The following SCLY variants were observed in gnomAD, a reference collection of about 807,000 sequenced individuals.
SCLY encodes putative selenocysteine lyase.
Under a neutral mutation model 50.1 loss-of-function variants are expected in SCLY, and 38 were observed. That is an observed-to-expected ratio of 0.76 (90% confidence interval 0.59 to 0.99). The LOEUF is 0.99. Among genes scored for constraint, SCLY ranks in the 50% least tolerant of loss-of-function variants. SCLY has a pLI of 0.00. For missense variants in SCLY, 600 were observed against 620.0 expected (o/e 0.97, Z 0.34); for synonymous variants, 243 against 249.4 (o/e 0.97, Z 0.24).
At chr2:238,062,692 G>A (rs773710339) in intron 1 of SCLY, among the ~76,000 whole-genome samples, 3 of 152,264 alleles carry the variant, frequency 2.0e-5, no homozygotes, top group Non-Finnish European at 2.9e-5. Context: ...GATTACAGGC[G>A]TGAGCCACAG....
At chr2:238,090,194 GA>G (rs1395498548) in intron 7 of SCLY, among the ~76,000 whole-genome samples, 1 of 152,156 alleles carries the variant, frequency 6.6e-6, no homozygotes, top group Non-Finnish European at 1.5e-5. Context: ...GTTATTGGGG[GA>G]ATGCAAATTA....
At chr2:238,077,848 T>C (rs1559245496) in intron 4 of SCLY, among the ~76,000 whole-genome samples, 3 of 152,084 alleles carry the variant, frequency 2.0e-5, no homozygotes, top group African/African-American at 2.4e-5. Flanking sequence ...CTAAGACTTA[T>C]CTTTGATGTG....
chr2:238,079,150 C>G (rs572961927), intron 4 of SCLY: 3 of 143,664 alleles, frequency 2.1e-5, no homozygotes, highest in African/African-American at 5.1e-5. Flanking sequence ...TCACAACTCA[C>G]TACAGCCTCA....
At chr2:238,076,958 G>GTAGA (rs2065181079) in intron 4 of SCLY, among the ~76,000 whole-genome samples, 1 of 152,118 alleles carries the variant, frequency 6.6e-6, no homozygotes, top group African/African-American at 2.4e-5. Context: ...GGAGTGTCTT[G>GTAGA]TAGATGTCTG....
At chr2:238,091,535 A>AC in intron 8 of SCLY, 1 of 395,026 alleles carries the variant, frequency 2.5e-6, no homozygotes. Flanking sequence ...GTGAAGTGTC[A>AC]AGCTGCAGGT....
At chr2:238,089,138 AG>A (rs2065334033) in intron 7 of SCLY, among the ~76,000 whole-genome samples, 1 of 152,218 alleles carries the variant, frequency 6.6e-6, no homozygotes, top group Admixed American at 6.5e-5. Context: ...ACAGGTGGAC[AG>A]TAACATTAAA....
At chr2:238,089,673 A>C (rs2065342409) in intron 7 of SCLY, among the ~76,000 whole-genome samples, 1 of 146,884 alleles carries the variant, frequency 6.8e-6, no homozygotes, top group Non-Finnish European at 1.5e-5. Flanking sequence ...AAAGCTCATC[A>C]GCTATCATTA....
chr2:238,082,006 A>G (rs778799190), intron 5 of SCLY, 39 bp from the exon 6 acceptor site: 1 of 1,598,110 alleles, frequency 6.3e-7, no homozygotes, highest in Non-Finnish European at 8.6e-7. Flanking sequence ...TTTTCATCAG[A>G]TCGGAGCAAC....
chr2:238,091,063 T>C (rs966486514), intron 7 of SCLY, among the ~76,000 whole-genome samples, 155 bp from the exon 8 acceptor site: 4 of 152,214 alleles, frequency 2.6e-5, no homozygotes, highest in African/African-American at 9.7e-5. Context: ...GGGAGGTTTC[T>C]GGGGCCTGCA....
At position 238,068,152 on chromosome 2, in the gene SCLY, C is replaced by A. The variant is rs750391592; in HGVS notation, c.290C>A (p.Ser97Tyr). 4.4e-6 allele frequency: 7 copies of A among 1,607,884 alleles called. No individual in the cohort carries two copies. Among genetic ancestry groups the A allele is most frequent in the Non-Finnish European group, 5.9e-6 (7 of 1,176,528 alleles). The change falls in exon 3 of 12, where the codon TCC becomes TAC. Residue 97 changes from serine to tyrosine, a missense_variant. Ser to Tyr is a moderately radical substitution (Grantham distance 144). Coordinates refer to ENST00000254663, the MANE Select transcript of SCLY (RefSeq NM_016510.7). ...GGKPQDIIFT[S>Y]GGTESNNLVI... ...AAACCTCAAGATATAATCTTCACTT[C>A]CGGGGGCACTGAGGTAAAGCTTCTG...
intron 9 of SCLY, 117 bp downstream of exon 9, chr2:238,094,061 G>A: frequency 1.1e-6 from 1 of 895,152 alleles, no homozygotes; most frequent in African/African-American, 1.7e-5. Flanking sequence ...GCGTAGCCTG[G>A]AACTCAGCAG....
rs1481602207 is a variant in SCLY at position 238,072,015 on chromosome 2, G to A, written c.484+2538G>A. On this transcript the variant is annotated intron_variant, in intron 4 of 11. Coordinates refer to ENST00000254663, the MANE Select transcript of SCLY (RefSeq NM_016510.7). ...TAATTTTCAGTTATAGAAAATTCTC[G>A]CCAGCCCCAAAAGAAACCTTGTACC... Among the ~76,000 whole-genome samples the A allele has an allele frequency of 3.3e-5, 5 of 151,626 alleles. 1 individual carries two copies. The highest frequency in any genetic ancestry group is 4.2e-4 in the South Asian group (2 of 4,816).
chr2:238,094,782 T>C (rs751312525), intron 10 of SCLY: 3 of 437,906 alleles, frequency 6.9e-6, no homozygotes, highest in Non-Finnish European at 8.0e-6. Flanking sequence ...AACTCTCGTG[T>C]CTGGCATTAG....
chr2:238,091,460 A>G, intron 8 of SCLY: 1 of 598,562 alleles, frequency 1.7e-6, no homozygotes, highest in South Asian at 2.0e-5. Flanking sequence ...TTAGCATTTA[A>G]AAGGGAAAAA....
intron 4 of SCLY, chr2:238,080,503 G>A (rs2065225006): frequency 6.6e-6 from 1 of 152,290 alleles, no homozygotes; most frequent in African/African-American, 2.4e-5. Flanking sequence ...GCCCACGGTG[G>A]GCTCTGCATA....
chr2:238,061,523 A>T (rs529324826), intron 1 of SCLY: 18 of 159,388 alleles, frequency 1.1e-4, no homozygotes, highest in African/African-American at 4.8e-4. Flanking sequence ...TCGGAGCCTT[A>T]TGGGGCCTCG....
chr2:238,093,471 C>T, intron 8 of SCLY: 1 of 262,820 alleles, frequency 3.8e-6, no homozygotes, highest in Non-Finnish European at 7.5e-6. Flanking sequence ...GGACGCCATT[C>T]CCTGCCCTTG....
Position 238,066,022 on chromosome 2 carries a change from G to T in SCLY, c.202+1553G>T, listed in dbSNP as rs1576660926. The stretch of plus-strand genomic sequence containing the variant: ...GGAAATTTATTTTAAGGAATATGTT[G>T]AGGATGTGGGGATTTTACATACCTA... On this transcript the variant is annotated intron_variant, in intron 2 of 11. Transcript: ENST00000254663. This position sits in a 1 kb window ranked among gnomAD's most constrained non-coding sequence, Gnocchi z 4.1. Among the ~76,000 whole-genome samples the T allele has an allele frequency of 6.6e-6, 1 of 152,178 alleles. No homozygotes were observed. The highest frequency in any genetic ancestry group is 1.5e-5 in the Non-Finnish European group (1 of 68,028).
chr2:238,097,355 G>A (rs1053507793), intron 11 of SCLY, among the ~76,000 whole-genome samples: 10 of 148,066 alleles, frequency 6.8e-5, no homozygotes, highest in Non-Finnish European at 8.9e-5. Context: ...CGGAGACTGT[G>A]GGGTAGAGGG....
Sources: gnomAD v4.1 joint callset for allele counts (sites outside exome capture counted in the v4.1 genomes callset) on GRCh38, gnomAD v4.1.1 for gene constraint, Gnocchi (gnomAD v3.1) non-coding constraint, MANE v1.5 for transcripts, NCBI Gene and HGNC (gene_info 2026-07-23, HGNC 2026-07-21) for gene names.